Variants in WTAP observed in about 807,000 individuals in gnomAD.
WTAP encodes the protein WT1 associated protein.
Under a neutral mutation model 50.0 loss-of-function variants are expected in WTAP, and 8 were observed. The observed-to-expected ratio is 0.16, with a 90% confidence interval of 0.09 to 0.29. The LOEUF (loss-of-function observed/expected upper bound fraction) is 0.29. WTAP is among the 10% of genes least tolerant of loss of function. The pLI is 1.00. For synonymous variants in WTAP, 194 were observed against 169.0 expected (o/e 1.15, Z -1.15); for missense variants, 295 against 470.7 (o/e 0.63, Z 3.45).
At chr6:159,744,570 TC>T (rs1018938931) in intron 5 of WTAP, among the ~76,000 whole-genome samples, 5 of 152,246 alleles carry the variant, frequency 3.3e-5, no homozygotes, top group African/African-American at 1.2e-4. Context: ...TAAGGTTCAG[TC>T]ACAGTCCTTT....
In WTAP at chr6:159,755,864, T is replaced by A; in HGVS notation, c.*253T>A. ...AATGTTGCTAAAAGGACATTTTGTG[T>A]AGGGTCAAGTTATTTTTATATGAGT... On this transcript the variant is annotated 3_prime_UTR_variant, in exon 8 of 8. Coordinates refer to ENST00000621533, the MANE Select transcript of WTAP (RefSeq NM_001270531.2). The A allele has an allele frequency of 1.9e-6, 1 of 519,390 alleles. No individual in the cohort carries two copies. The highest frequency in any genetic ancestry group is 2.0e-5 in the African/African-American group (1 of 49,050). The allele number at this position is 519,390 out of a possible 1,614,324, so 32.2% of individuals were successfully genotyped here.
chr6:159,749,295 G>T, intron 6 of WTAP: 3 of 985,720 alleles, frequency 3.0e-6, no homozygotes, highest in Non-Finnish European at 3.6e-6. Context: ...TGAAATCCCC[G>T]TTCCATTCAA....
In WTAP at chr6:159,737,876, A is replaced by G. The variant is rs1159907902; in HGVS notation, c.31-1114A>G. On this transcript the variant is annotated intron_variant, in intron 2 of 7. Coordinates refer to ENST00000621533, the MANE Select transcript of WTAP (RefSeq NM_001270531.2). ...GAATATACTGTTTCTCAATTTTTGA[A>G]GCATGTTAGCTTATGCCCTTCTTTC... 2.6e-5 allele frequency among the ~76,000 whole-genome samples: 4 copies of G among 152,320 alleles called. No homozygotes were observed. The East Asian group carries it at 7.7e-4, about 29-fold the overall frequency.
chr6:159,727,850 C>A, intron 1 of WTAP, 147 bp downstream of exon 1: 1 of 518,248 alleles, frequency 1.9e-6, no homozygotes, highest in Non-Finnish European at 2.5e-6. Flanking sequence ...GTGAGCCGCT[C>A]TACCTTCCCG....
At chr6:159,745,443 T>G (rs1208611524) in intron 5 of WTAP, among the ~76,000 whole-genome samples, 2 of 152,130 alleles carry the variant, frequency 1.3e-5, no homozygotes, top group African/African-American at 4.8e-5. Flanking sequence ...CCAGCTTTTT[T>G]TTTTTTTTAA....
chr6:159,755,767 T>C lies in WTAP; in HGVS notation c.*156T>C. The stretch of plus-strand genomic sequence containing the variant: ...TTTCTTTGTTTTTTTTTTCTTTTCT[T>C]TTTTTTTTTTTTTTTTTTTTTTTGC... On this transcript the variant is annotated 3_prime_UTR_variant, in exon 8 of 8. Transcript: ENST00000621533. 1 of 343,092 alleles carries C rather than the reference T, an allele frequency of 2.9e-6. No individual in the cohort carries two copies. Among genetic ancestry groups the C allele is most frequent in the Non-Finnish European group, 4.0e-6 (1 of 251,774 alleles). The allele number at this position is 343,092 out of a possible 1,614,324, so 21.3% of individuals were successfully genotyped here.
intron 1 of WTAP, among the ~76,000 whole-genome samples, chr6:159,734,613 C>G (rs1316679266): frequency 2.6e-5 from 4 of 152,070 alleles, no homozygotes; most frequent in African/African-American, 7.2e-5. Flanking sequence ...GAGTTCAAGA[C>G]TAGCCTGGGC....
At chr6:159,729,795 G>T (rs148186301) in intron 1 of WTAP, among the ~76,000 whole-genome samples, 1 of 152,194 alleles carries the variant, frequency 6.6e-6, no homozygotes, top group East Asian at 2.0e-4. Context: ...ATTCAGCTAT[G>T]ATTTGTTCGC....
intron 2 of WTAP, 135 bp downstream of exon 2, chr6:159,736,430 T>G (rs1378277320): frequency 1.4e-6 from 1 of 712,098 alleles, no homozygotes; most frequent in Non-Finnish European, 2.4e-6. Context: ...TTTATAACAA[T>G]AATAGCATTG....
Position 159,755,732 on chromosome 6 carries a change from T to G in WTAP, c.*121T>G. ...GTGGGTGTACGTTTTGGTTTTTTTT[T>G]GTTGTTTTTTTTCTTTGTTTTTTTT... On this transcript the variant is annotated 3_prime_UTR_variant, in exon 8 of 8. Transcript: ENST00000621533. 24 of 1,243,688 alleles carry G rather than the reference T, an allele frequency of 1.9e-5. No individual in the cohort carries two copies. The highest frequency in any genetic ancestry group is 2.4e-5 in the Non-Finnish European group (24 of 991,744). 77.0% of individuals were successfully genotyped at this position (1,243,688 alleles called of 1,614,324 possible).
intron 6 of WTAP, chr6:159,749,262 A>G (rs560560068): frequency 3.2e-5 from 32 of 985,802 alleles, no homozygotes; most frequent in Non-Finnish European, 3.4e-5. Flanking sequence ...GACTCACTGC[A>G]TTATTTTTTT....
intron 1 of WTAP, among the ~76,000 whole-genome samples, chr6:159,735,135 T>G (rs1300177666): frequency 2.0e-5 from 3 of 152,156 alleles, no homozygotes; most frequent in Non-Finnish European, 4.4e-5. Flanking sequence ...TACATGTGTA[T>G]GTGAGTTTTT....
chr6:159,729,081 T>G (rs1430540150), intron 1 of WTAP, among the ~76,000 whole-genome samples: 1 of 152,216 alleles, frequency 6.6e-6, no homozygotes, highest in Non-Finnish European at 1.5e-5. Flanking sequence ...TGAAACACAA[T>G]GTGTAAAAAG....
chr6:159,743,041 A>G (rs1272260109), intron 4 of WTAP, among the ~76,000 whole-genome samples: 1 of 151,896 alleles, frequency 6.6e-6, no homozygotes, highest in Non-Finnish European at 1.5e-5. Context: ...AGTTATTACT[A>G]TTTTATTTAT....
chr6:159,749,250 G>A, intron 6 of WTAP: 4 of 985,786 alleles, frequency 4.1e-6, no homozygotes, highest in Non-Finnish European at 3.6e-6. Context: ...TAGCTGTGAT[G>A]AGACTCACTG....
intron 5 of WTAP, among the ~76,000 whole-genome samples, chr6:159,744,202 C>T (rs1210824805): frequency 6.6e-6 from 1 of 152,128 alleles, no homozygotes; most frequent in African/African-American, 2.4e-5. Context: ...TTCCTAGTGT[C>T]AGCAACCTCT....
At chr6:159,726,880 C>G (rs1321721735), upstream of WTAP, 2 of 1,289,202 alleles carry the variant, frequency 1.6e-6, no homozygotes, top group South Asian at 1.2e-5. Flanking sequence ...AGTAAACGCC[C>G]GCGGCTCGCC....
In WTAP at chr6:159,748,624, G is replaced by A. The variant is rs1368780245; in HGVS notation, c.452+255G>A. On this transcript the variant is annotated intron_variant, in intron 6 of 7. Transcript: ENST00000621533. This position sits in a 1 kb window ranked among gnomAD's most constrained non-coding sequence, Gnocchi z 5.6. ...GGCGTCGGACTATTCCGAAGAAGTG[G>A]CCACCTCCGAAAAATTCCCCTTCTA... The A allele has an allele frequency of 3.3e-5, 42 of 1,287,234 alleles. No individual in the cohort carries two copies. The highest frequency in any genetic ancestry group is 3.8e-5 in the Non-Finnish European group (39 of 1,019,498). 79.7% of individuals were successfully genotyped at this position (1,287,234 alleles called of 1,614,324 possible).
chr6:159,727,802 C>T (rs1014939303), intron 1 of WTAP, 99 bp downstream of exon 1: 2 of 861,632 alleles, frequency 2.3e-6, no homozygotes, highest in Non-Finnish European at 2.8e-6. Flanking sequence ...GGGCAGGGCC[C>T]GAAAGGCCAC....
Sources: allele counts gnomAD v4.1 joint callset (sites outside exome capture counted in the v4.1 genomes callset), GRCh38; gene constraint gnomAD v4.1.1; non-coding constraint Gnocchi (gnomAD v3.1); transcripts MANE v1.5; gene names NCBI Gene and HGNC (gene_info 2026-07-23, HGNC 2026-07-21).